The following DNAH2 variants were observed in gnomAD, a reference collection of about 807,000 sequenced individuals.
DNAH2 encodes axonemal beta dynein heavy chain 2.
A neutral mutation model predicts 523.5 loss-of-function variants in DNAH2; 323 were observed. That is an observed-to-expected ratio of 0.62 (90% CI 0.56 to 0.68). The LOEUF is 0.68. Ranked by LOEUF, DNAH2 falls within the 30% of genes least tolerant of loss-of-function variation. The pLI, the probability that DNAH2 is intolerant of heterozygous loss-of-function variation, is 0.00. For synonymous variants in DNAH2, 2,093 were observed against 2,177.4 expected, an observed-to-expected ratio of 0.96 and a Z score of 1.08; for missense variants, 4,907 against 5,701.5, an observed-to-expected ratio of 0.86 and a Z score of 4.49.
intron 10 of DNAH2, 87 bp from the exon 11 acceptor site, chr17:7,740,723 G>A: frequency 6.5e-7 from 1 of 1,544,488 alleles, no homozygotes; most frequent in Non-Finnish European, 8.7e-7. Context: ...GACTCCCGCA[G>A]CGGGGTGCAG....
At chr17:7,793,446 T>TC (rs1567708844) in intron 48 of DNAH2, among the ~76,000 whole-genome samples, 1 of 50,212 alleles carries the variant, frequency 2.0e-5, no homozygotes, top group East Asian at 3.3e-4. Context: ...TCTTTCTTTC[T>TC]TTTTCTTTCT....
At chr17:7,762,979 C>CT (rs1036857919) in intron 18 of DNAH2, among the ~76,000 whole-genome samples, 87 of 142,138 alleles carry the variant, frequency 6.1e-4, no homozygotes, top group Middle Eastern at 3.6e-3. Context: ...CACTCTAAAG[C>CT]TTTTTTTTTT....
In DNAH2 at chr17:7,786,526, T is replaced by G. The variant is rs1301533770; in HGVS notation, c.6349-44T>G. The stretch of plus-strand genomic sequence containing the variant: ...GAGGGGTCTGGAAATAAAGAGGGGT[T>G]TTTGTCCATCAGCAGCTAAAACCCC... On this transcript the variant is annotated intron_variant, in intron 40 of 85. Coordinates refer to ENST00000572933, the MANE Select transcript of DNAH2 (RefSeq NM_020877.5). The surrounding 1 kb of genome is among the most constrained non-coding windows in gnomAD (Gnocchi z 7.5). The G allele has an allele frequency of 6.3e-7, 1 of 1,575,908 alleles. No homozygotes were observed. The highest frequency in any genetic ancestry group is 1.4e-5 in the African/African-American group (1 of 74,030).
intron 72 of DNAH2, among the ~76,000 whole-genome samples, chr17:7,819,874 C>T (rs887245423): frequency 6.6e-6 from 1 of 152,174 alleles, no homozygotes; most frequent in Admixed American, 6.5e-5. Context: ...TCAGATCAAA[C>T]TCATTCTCTT....
At chr17:7,735,279 C>A (rs906014158) in intron 7 of DNAH2, among the ~76,000 whole-genome samples, 1 of 151,846 alleles carries the variant, frequency 6.6e-6, no homozygotes. Flanking sequence ...TACAGGTGCC[C>A]GCCACCAAGC....
intron 52 of DNAH2, 72 bp downstream of exon 52, chr17:7,797,602 G>C: frequency 1.2e-6 from 2 of 1,613,810 alleles, no homozygotes; most frequent in South Asian, 2.2e-5. Flanking sequence ...GTCAGGGCAT[G>C]GGGTCTGAAG....
At chr17:7,719,671 G>T (rs200353998) in intron 1 of DNAH2, 50 bp from the exon 2 acceptor site, 167 of 1,607,594 alleles carry the variant, frequency 1.0e-4, no homozygotes, top group Non-Finnish European at 1.7e-5. Context: ...CAGGGGGCTG[G>T]TTCAGGGGTG....
At position 7,793,215 on chromosome 17, in the gene DNAH2, G is replaced by T; in HGVS notation, c.7569+10G>T. On this transcript the variant is annotated intron_variant, in intron 48 of 85. Coordinates refer to ENST00000572933, the MANE Select transcript of DNAH2 (RefSeq NM_020877.5). ...CATCAAGTACATTCGAGTAAGCCTC[G>T]CTAGAGTCTGTTCTTCAGGCCTCTG... The T allele has an allele frequency of 6.2e-7, 1 of 1,610,682 alleles. No homozygotes were observed. Among genetic ancestry groups the T allele is most frequent in the South Asian group, 1.1e-5 (1 of 90,976 alleles).
intron 4 of DNAH2, among the ~76,000 whole-genome samples, chr17:7,727,626 C>T (rs2074860952): frequency 6.6e-6 from 1 of 151,818 alleles, no homozygotes; most frequent in Non-Finnish European, 1.5e-5. Context: ...CGTGGTGGTG[C>T]ACACCTGTAA....
At position 7,832,375 on chromosome 17, in the gene DNAH2, T is replaced by C. The variant is rs2078203525; in HGVS notation, c.12727-204T>C. Among the ~76,000 whole-genome samples the C allele has an allele frequency of 6.6e-6, 1 of 151,842 alleles. No homozygotes were observed. Among genetic ancestry groups the C allele is most frequent in the Non-Finnish European group, 1.5e-5 (1 of 67,964 alleles). ...AAATACAAAAATTAGCCGGGCGTGA[T>C]GGTGGGCGCCTGTAATCCCAGCTAC... On this transcript the variant is annotated intron_variant, in intron 82 of 85. Transcript: ENST00000572933. This position sits in a 1 kb window ranked among gnomAD's most constrained non-coding sequence, Gnocchi z 4.3.
chr17:7,747,148 C>CT (rs1235352968), intron 12 of DNAH2, among the ~76,000 whole-genome samples: 6 of 150,812 alleles, frequency 4.0e-5, no homozygotes, highest in South Asian at 2.1e-4. Context: ...TGCAACTTGC[C>CT]TTTTTTTTTG....
intron 58 of DNAH2, among the ~76,000 whole-genome samples, chr17:7,803,539 G>A (rs1339726356): frequency 5.3e-5 from 8 of 152,010 alleles, no homozygotes; most frequent in Non-Finnish European, 7.4e-5. Context: ...GCATGATGGC[G>A]GGTGCCTGTA....
rs1390442852 is a variant in DNAH2, at chr17:7,831,357, G to T, written c.12460-33G>T. On this transcript the variant is annotated intron_variant, in intron 80 of 85. Transcript: ENST00000572933. This position sits in a 1 kb window ranked among gnomAD's most constrained non-coding sequence, Gnocchi z 4.2. ...TGGGGGAGGGAAAGTGATGAGAAGA[G>T]GGGGCTACACTCAAGAGCTCCTGCC... The T allele has an allele frequency of 1.2e-6, 2 of 1,614,034 alleles. No individual in the cohort carries two copies. The highest frequency in any genetic ancestry group is 8.5e-7 in the Non-Finnish European group (1 of 1,179,982).
intron 24 of DNAH2, among the ~76,000 whole-genome samples, chr17:7,769,205 T>C (rs62059666): frequency 6.6e-6 from 1 of 152,002 alleles, no homozygotes; most frequent in Admixed American, 6.5e-5. Flanking sequence ...TCTGTTGCCC[T>C]GGCTGGGGTG....
chr17:7,776,808 G>C lies in DNAH2; in HGVS notation c.4977G>C (p.Trp1659Cys), dbSNP rs1347558722. The C allele has an allele frequency of 6.2e-7, 1 of 1,612,914 alleles. No individual in the cohort carries two copies. The highest frequency in any genetic ancestry group is 1.3e-5 in the African/African-American group (1 of 74,890). ...TGATCACTGCCAGTCAGATCCAGTG[G>C]ACGGCTGATGTCACCAAGTGCCTGC... ...QVVITASQIQ[W>C]TADVTKCLLT... Residue 1659 changes from tryptophan (W) to cysteine (C), a missense_variant, in exon 32 of 86, where the codon TGG becomes TGC. Around this residue, in one of 3 missense-constraint regions of DNAH2, gnomAD observed 2,806 missense variants for 3,190.8 expected, o/e 0.88. Coordinates refer to ENST00000572933, the MANE Select transcript of DNAH2 (RefSeq NM_020877.5).
At position 7,824,712 on chromosome 17, in the gene DNAH2, C is replaced by T; in HGVS notation, c.11838C>T (p.Thr3946=). 5 of 1,573,520 alleles carry T rather than the reference C, an allele frequency of 3.2e-6. No homozygotes were observed. Among genetic ancestry groups the T allele is most frequent in the South Asian group, 1.1e-5 (1 of 87,156 alleles). Residue 3946 remains threonine (T), a synonymous_variant, in exon 77 of 86, where the codon ACC becomes ACT. Coordinates refer to ENST00000572933, the MANE Select transcript of DNAH2 (RefSeq NM_020877.5). ...TCTTGCAGGTCAGCATCAAGATGAC[C>T]ACAGAGCCACCAAAGGTATGTGGCC... is the stretch of plus-strand genomic sequence containing the variant. The part of the protein sequence containing the change: ...ISILQVSIKM[T]TEPPKGLKAN...
At chr17:7,778,591 C>G in intron 35 of DNAH2, 122 bp downstream of exon 35, 1 of 889,188 alleles carries the variant, frequency 1.1e-6, no homozygotes, top group South Asian at 2.6e-5. Flanking sequence ...ACATGTAATT[C>G]TTATTTATTT....
rs146100642 is a variant in DNAH2, at chr17:7,770,906, A to G, written c.4335A>G (p.Thr1445=). The part of the protein sequence containing the change: ...LILEVIEMIL[T]VQRQWMYLEN... ...TGGAGGTTATTGAGATGATTCTCACAGTGCAGCGTCAGTGGATGTACTTAG... is the reference window on the plus strand; with the variant it reads ...TGGAGGTTATTGAGATGATTCTCACGGTGCAGCGTCAGTGGATGTACTTAG... Residue 1445 remains threonine (T), a synonymous_variant, in exon 27 of 86, where the codon ACA becomes ACG. Transcript: ENST00000572933. The G allele has an allele frequency of 6.2e-7, 1 of 1,613,888 alleles. No homozygotes were observed. The highest frequency in any genetic ancestry group is 1.3e-5 in the African/African-American group (1 of 74,922).
intron 12 of DNAH2, among the ~76,000 whole-genome samples, chr17:7,747,816 C>T (rs1188011478): frequency 6.6e-6 from 1 of 152,124 alleles, no homozygotes. Flanking sequence ...CTGCCTCAAT[C>T]CAGTAAATAA....
Sources: allele counts gnomAD v4.1 joint callset (sites outside exome capture counted in the v4.1 genomes callset), GRCh38; gene constraint gnomAD v4.1.1; regional missense constraint gnomAD v4.1.1; non-coding constraint Gnocchi (gnomAD v3.1); transcripts MANE v1.5; gene names NCBI Gene and HGNC (gene_info 2026-07-23, HGNC 2026-07-21).